The following TANC2 variants were observed in gnomAD, a reference collection of about 807,000 sequenced individuals.
The protein encoded by TANC2 is protein TANC2.
TANC2 carries 26 observed loss-of-function variants against 210.5 expected under a neutral mutation model. The observed-to-expected ratio is 0.12, with a 90% CI of 0.09 to 0.17. TANC2 has a LOEUF of 0.17. Ranked by LOEUF, TANC2 falls within the 10% of genes least tolerant of loss-of-function variation. The pLI is 1.00. For missense variants in TANC2, 2,129 were observed against 2,608.9 expected (o/e 0.82, Z 4.01); for synonymous variants, 931 against 967.1 (o/e 0.96, Z 0.69).
rs5821386 is a variant in TANC2 at position 63,358,352 on chromosome 17, TGA to T, written c.2582+2986_2582+2987del. 1.9e-3 allele frequency among the ~76,000 whole-genome samples: 258 copies of T among 137,836 alleles called. 2 individuals are homozygous for T. The highest frequency in any genetic ancestry group is 2.4e-3 in the African/African-American group (87 of 36,264). 90.4% of individuals were successfully genotyped at this position (137,836 alleles called of 152,430 possible). ...TAAATGAGTAACAAGGTGAGTAGAG[TGA>T]GAGAGAGAGAGAGAGAGAGAGAGTA... On this transcript the variant is annotated intron_variant, in intron 14 of 27. Coordinates refer to ENST00000689528, the Ensembl canonical transcript of TANC2.
chr17:63,113,759 C>T lies in TANC2; in HGVS notation c.322+14402C>T, dbSNP rs750924696. Among the ~76,000 whole-genome samples, 5 of 152,142 alleles carry T rather than the reference C, an allele frequency of 3.3e-5. 1 individual carries two copies. The highest frequency in any genetic ancestry group is 5.9e-5 in the Non-Finnish European group (4 of 68,024). ...CTGGGCTCAAGCAACCCTCTCACCT[C>T]GGTCTCCCAAAGCACTGAGATTACA... On this transcript the variant is annotated intron_variant, in intron 4 of 27. Coordinates refer to ENST00000689528, the Ensembl canonical transcript of TANC2.
At chr17:63,262,543 G>T (rs2043396440) in intron 8 of TANC2, among the ~76,000 whole-genome samples, 1 of 151,786 alleles carries the variant, frequency 6.6e-6, no homozygotes, top group South Asian at 2.1e-4. Flanking sequence ...TTTGCCCTAA[G>T]CCAGGACCAC....
chr17:63,138,498 A>AT (rs1183893836), intron 4 of TANC2, among the ~76,000 whole-genome samples: 1 of 152,060 alleles, frequency 6.6e-6, no homozygotes, highest in African/African-American at 2.4e-5. Flanking sequence ...ATTAGTGCTA[A>AT]TAGCCCTTGT....
At chr17:63,411,640 G>A in exon 22 of TANC2, 1 of 1,613,906 alleles carries the variant, frequency 6.2e-7, no homozygotes, top group Non-Finnish European at 8.5e-7. Flanking sequence ...GACAAGAATG[G>A]CCGTACCCCA....
At position 63,055,965 on chromosome 17, in the gene TANC2, C is replaced by CAAAAAAAAA. The variant is rs869063496; in HGVS notation, c.68-17960_68-17952dup. Among the ~76,000 whole-genome samples the CAAAAAAAAA allele has an allele frequency of 2.3e-4, 12 of 52,600 alleles. 1 individual carries two copies. Among genetic ancestry groups the CAAAAAAAAA allele is most frequent in the African/African-American group, 8.0e-4 (11 of 13,780 alleles). 34.5% of individuals were successfully genotyped at this position (52,600 alleles called of 152,430 possible). The stretch of plus-strand genomic sequence containing the variant: ...CAACGTAGTGAGACCTCATCTCTAC[C>CAAAAAAAAA]AAAAAAAAAAAAAAAAAAAAAAAAA... On this transcript the variant is annotated intron_variant, in intron 2 of 27. Transcript: ENST00000689528.
intron 13 of TANC2, among the ~76,000 whole-genome samples, chr17:63,351,924 T>C (rs2046622478): frequency 6.6e-6 from 1 of 152,150 alleles, no homozygotes; most frequent in Admixed American, 6.6e-5. Flanking sequence ...TTAAATTTAC[T>C]ACAACTGAGA....
chr17:63,148,583 C>T (rs1294788147), intron 4 of TANC2: 3 of 152,160 alleles, frequency 2.0e-5, no homozygotes, highest in Non-Finnish European at 4.4e-5. Context: ...TCGATGTTCC[C>T]AGTGTCAGTT....
chr17:63,329,223 T>A (rs924463358), intron 11 of TANC2, among the ~76,000 whole-genome samples: 3 of 151,938 alleles, frequency 2.0e-5, no homozygotes, highest in Non-Finnish European at 4.4e-5. Flanking sequence ...TTAAGAAAAA[T>A]TATAGCATAT....
intron 11 of TANC2, among the ~76,000 whole-genome samples, chr17:63,330,846 T>A (rs548001105): frequency 1.5e-3 from 221 of 152,012 alleles, no homozygotes; most frequent in Non-Finnish European, 2.7e-3. Flanking sequence ...GAGGCCGAGG[T>A]GGGTGGATAA....
At chr17:63,109,614 A>G (rs1262335172) in intron 4 of TANC2, among the ~76,000 whole-genome samples, 1 of 151,706 alleles carries the variant, frequency 6.6e-6, no homozygotes, top group Non-Finnish European at 1.5e-5. Flanking sequence ...AGTAGTAGTA[A>G]TTAAAGATAA....
chr17:63,054,036 G>A (rs2035678788), intron 2 of TANC2, among the ~76,000 whole-genome samples: 1 of 152,180 alleles, frequency 6.6e-6, no homozygotes, highest in African/African-American at 2.4e-5. Flanking sequence ...AAAGAACACA[G>A]TTTTAAAGCC....
chr17:62,996,204 A>G (rs2033098749), intron 1 of TANC2, among the ~76,000 whole-genome samples: 1 of 152,168 alleles, frequency 6.6e-6, no homozygotes, highest in African/African-American at 2.4e-5. Context: ...TAGTATTCTC[A>G]TCATTCACAC....
chr17:63,296,569 A>G (rs988658090), intron 9 of TANC2, among the ~76,000 whole-genome samples: 1 of 152,204 alleles, frequency 6.6e-6, no homozygotes, highest in Non-Finnish European at 1.5e-5. Flanking sequence ...AATTGACAGA[A>G]GCCATCCCTG....
chr17:62,996,641 A>T (rs1242717452), intron 1 of TANC2, among the ~76,000 whole-genome samples: 1 of 152,142 alleles, frequency 6.6e-6, no homozygotes, highest in African/African-American at 2.4e-5. Context: ...TTTTAAGAAC[A>T]CTATTGCATT....
At chr17:63,375,091 C>T (rs938014174) in intron 14 of TANC2, among the ~76,000 whole-genome samples, 5 of 152,096 alleles carry the variant, frequency 3.3e-5, no homozygotes, top group Non-Finnish European at 7.4e-5. Flanking sequence ...TGGAGAGATC[C>T]AGCAGACCGA....
chr17:63,282,923 TC>T (rs1232104047), intron 9 of TANC2, among the ~76,000 whole-genome samples: 2 of 152,084 alleles, frequency 1.3e-5, no homozygotes, highest in Non-Finnish European at 2.9e-5. Flanking sequence ...ACTTCTCTTT[TC>T]ATTCTCTTAA....
At chr17:62,982,331 A>T in intron 1 of TANC2, among the ~76,000 whole-genome samples, 1 of 152,182 alleles carries the variant, frequency 6.6e-6, no homozygotes, top group East Asian at 1.9e-4. Context: ...AAAATTCTCT[A>T]TTACACAGGA....
intron 19 of TANC2, among the ~76,000 whole-genome samples, chr17:63,400,883 C>G (rs898900158): frequency 3.3e-5 from 5 of 151,848 alleles, no homozygotes; most frequent in Non-Finnish European, 7.4e-5. Context: ...AAACCCCTGA[C>G]CTCAGGTGAT....
At chr17:63,279,273 A>G (rs2043989305) in intron 9 of TANC2, among the ~76,000 whole-genome samples, 2 of 152,168 alleles carry the variant, frequency 1.3e-5, no homozygotes, top group Admixed American at 6.6e-5. Context: ...GGATGAAAGC[A>G]TGACCATCAC....
Sources: allele counts gnomAD v4.1 joint callset (sites outside exome capture counted in the v4.1 genomes callset), GRCh38; gene constraint gnomAD v4.1.1; transcripts MANE v1.5; gene names NCBI Gene and HGNC (gene_info 2026-07-23, HGNC 2026-07-21).